CEP112: variants seen among roughly 807,000 people sequenced by gnomAD.
CEP112 encodes the protein centrosomal protein 112.
In CEP112, 127 loss-of-function variants were observed where a neutral mutation model predicts 153.0. The observed-to-expected ratio is 0.83, with a 90% CI of 0.72 to 0.96. The LOEUF is 0.96. CEP112 is among the 40% of genes least tolerant of loss of function. The probability of loss-of-function intolerance (pLI) is 0.00; values close to 1 mark genes in which losing one functional copy is unlikely to be tolerated. For synonymous variants in CEP112, 358 were observed against 374.4 expected, an observed-to-expected ratio of 0.96 and a Z score of 0.51; for missense variants, 1,089 against 1,101.2, an observed-to-expected ratio of 0.99 and a Z score of 0.16.
At chr17:66,058,728 T>C (rs1351224749) in intron 11 of CEP112, among the ~76,000 whole-genome samples, 1 of 151,992 alleles carries the variant, frequency 6.6e-6, no homozygotes, top group Non-Finnish European at 1.5e-5. Context: ...AATGCACACC[T>C]GTAGTCCCAG....
chr17:65,689,020 G>C (rs765069560), intron 24 of CEP112, 109 bp downstream of exon 24: 42 of 719,252 alleles, frequency 5.8e-5, no homozygotes, highest in Non-Finnish European at 9.5e-5. Context: ...CACCCACCTC[G>C]GCCTCCCAAA....
intron 21 of CEP112, among the ~76,000 whole-genome samples, chr17:65,805,667 T>C (rs1359076812): frequency 6.6e-6 from 1 of 152,238 alleles, no homozygotes; most frequent in Non-Finnish European, 1.5e-5. Flanking sequence ...ATTTTATTCC[T>C]GGACAATATC....
intron 23 of CEP112, among the ~76,000 whole-genome samples, chr17:65,737,682 T>A (rs1010691085): frequency 6.6e-6 from 1 of 152,156 alleles, no homozygotes; most frequent in Admixed American, 6.6e-5. Context: ...GCCTTCCCCT[T>A]CCCTCAGGTC....
intron 24 of CEP112, among the ~76,000 whole-genome samples, chr17:65,667,364 A>G (rs916899372): frequency 3.3e-5 from 5 of 152,124 alleles, no homozygotes; most frequent in African/African-American, 1.2e-4. Flanking sequence ...AAGCCCGATG[A>G]ATTACGGAGG....
intron 18 of CEP112, chr17:65,941,362 G>T (rs1366013518): frequency 6.6e-6 from 1 of 151,954 alleles, no homozygotes; most frequent in Non-Finnish European, 1.5e-5. Context: ...ACATTAAAAG[G>T]CTTTTGTATC....
intron 6 of CEP112, among the ~76,000 whole-genome samples, chr17:66,127,916 T>C (rs1407353908): frequency 1.3e-5 from 2 of 152,012 alleles, no homozygotes; most frequent in African/African-American, 4.8e-5. Flanking sequence ...AGCCTTTCAA[T>C]CAGTCACTTA....
chr17:65,708,934 A>G (rs1184742318), intron 23 of CEP112, among the ~76,000 whole-genome samples: 1 of 152,124 alleles, frequency 6.6e-6, no homozygotes, highest in Non-Finnish European at 1.5e-5. Context: ...CTGGATGTGT[A>G]GGTGTCTCCT....
At chr17:66,027,462 C>T in intron 16 of CEP112, 39 bp downstream of exon 16, 1 of 1,328,256 alleles carries the variant, frequency 7.5e-7, no homozygotes, top group Non-Finnish European at 1.0e-6. Flanking sequence ...GCCTCATTTG[C>T]TATTTTAAAT....
At position 66,183,193 on chromosome 17, in the gene CEP112, C is replaced by G; in HGVS notation, c.106+1G>C. ...AATCTAATCTTCAAACATAATCTTA[C>G]CTGTCCTATGAGGTAATTTTAGAAC... is the stretch of plus-strand genomic sequence containing the variant. On this transcript the variant is annotated splice_donor_variant, in intron 2 of 26. Coordinates refer to ENST00000535342, the MANE Select transcript of CEP112 (RefSeq NM_001199165.4). LOFTEE classifies it high-confidence loss of function. The G allele has an allele frequency of 6.4e-7, 1 of 1,563,852 alleles. No individual in the cohort carries two copies. The highest frequency in any genetic ancestry group is 1.7e-4 in the Middle Eastern group (1 of 5,896).
chr17:65,829,872 C>T (rs2057007942), intron 21 of CEP112, among the ~76,000 whole-genome samples: 1 of 152,098 alleles, frequency 6.6e-6, no homozygotes, highest in Non-Finnish European at 1.5e-5. Context: ...ACACAAGATA[C>T]TGGGACAACA....
intron 12 of CEP112, among the ~76,000 whole-genome samples, chr17:66,046,024 C>T (rs962907059): frequency 3.4e-5 from 5 of 148,580 alleles, no homozygotes; most frequent in African/African-American, 9.8e-5. Flanking sequence ...CTAAGACAGA[C>T]GTTAAAAAGT....
At chr17:66,007,938 C>T (rs1262118987) in intron 16 of CEP112, among the ~76,000 whole-genome samples, 2 of 151,964 alleles carry the variant, frequency 1.3e-5, no homozygotes, top group Non-Finnish European at 2.9e-5. Context: ...CTATTTATGC[C>T]GTTTTTTCCT....
intron 23 of CEP112, among the ~76,000 whole-genome samples, chr17:65,702,481 G>C (rs1463891846): frequency 6.6e-6 from 1 of 152,158 alleles, no homozygotes; most frequent in African/African-American, 2.4e-5. Flanking sequence ...GGTCCAAAAA[G>C]AGGTGAGTAC....
chr17:66,115,978 T>A (rs1384509970), intron 6 of CEP112, among the ~76,000 whole-genome samples: 1 of 152,164 alleles, frequency 6.6e-6, no homozygotes, highest in Non-Finnish European at 1.5e-5. Flanking sequence ...AAAGCAGGTC[T>A]CAATCAGCCC....
chr17:66,048,949 G>A (rs1598224597), intron 12 of CEP112, among the ~76,000 whole-genome samples: 1 of 152,124 alleles, frequency 6.6e-6, no homozygotes, highest in African/African-American at 2.4e-5. Flanking sequence ...ATTTGACTAA[G>A]TTAAAATAAG....
At chr17:65,958,209 AT>A (rs1291157406) in intron 18 of CEP112, among the ~76,000 whole-genome samples, 2 of 152,086 alleles carry the variant, frequency 1.3e-5, no homozygotes. Flanking sequence ...ATTCATACAA[AT>A]TTTTTCCAGA....
intron 18 of CEP112, among the ~76,000 whole-genome samples, chr17:65,937,584 C>A (rs1221510813): frequency 2.1e-5 from 2 of 97,210 alleles, no homozygotes; most frequent in Non-Finnish European, 4.2e-5. Flanking sequence ...GTCAGCCCCC[C>A]ACCCGGCCAG....
chr17:65,782,840 G>T (rs66483511), intron 21 of CEP112, among the ~76,000 whole-genome samples: 48,780 of 151,812 alleles, frequency 0.32, 9,643 homozygotes, highest in Middle Eastern at 0.45. Flanking sequence ...GAGGGTAGGG[G>T]TGGGAAAACT....
intron 4 of CEP112, among the ~76,000 whole-genome samples, chr17:66,143,684 T>G (rs1221957097): frequency 6.6e-6 from 1 of 152,220 alleles, no homozygotes; most frequent in Non-Finnish European, 1.5e-5. Flanking sequence ...AATATGCATT[T>G]GGTTCCCCAA....
Sources: gnomAD v4.1 joint callset for allele counts (sites outside exome capture counted in the v4.1 genomes callset) on GRCh38, gnomAD v4.1.1 for gene constraint, MANE v1.5 for transcripts, NCBI Gene and HGNC (gene_info 2026-07-23, HGNC 2026-07-21) for gene names.